The following ADGRL3 variants were observed in gnomAD, a reference collection of about 807,000 sequenced individuals.
ADGRL3 encodes the protein calcium-independent alpha-latrotoxin receptor 3.
In ADGRL3, 62 loss-of-function variants were observed where a neutral mutation model predicts 153.5. The ratio of observed to expected loss-of-function variants is 0.40; its 90% CI spans 0.33 to 0.50. ADGRL3 has a LOEUF of 0.50. Ranked by LOEUF, ADGRL3 falls within the 20% of genes least tolerant of loss-of-function variation. The pLI, the probability that ADGRL3 is intolerant of heterozygous loss-of-function variation, is 0.47. For synonymous variants in ADGRL3, 710 were observed against 672.5 expected (o/e 1.06, Z -0.86); for missense variants, 1,641 against 1,859.4 (o/e 0.88, Z 2.16).
At chr4:61,626,248 T>C (rs1288622782) in intron 5 of ADGRL3, among the ~76,000 whole-genome samples, 1 of 152,140 alleles carries the variant, frequency 6.6e-6, no homozygotes. Flanking sequence ...TCTTTAGCTC[T>C]ATTTCTTTTT....
At chr4:62,006,019 TA>T (rs2099157305) in intron 21 of ADGRL3, among the ~76,000 whole-genome samples, 3 of 103,160 alleles carry the variant, frequency 2.9e-5, no homozygotes, top group South Asian at 3.6e-4. Context: ...TATATATATA[TA>T]TATATATATA....
At chr4:61,611,950 C>A (rs922808497) in intron 5 of ADGRL3, among the ~76,000 whole-genome samples, 4 of 151,932 alleles carry the variant, frequency 2.6e-5, no homozygotes, top group Non-Finnish European at 2.9e-5. Flanking sequence ...GGAAAGAAAT[C>A]TTTTAAGTAA....
rs1005993883 is a variant in ADGRL3, at chr4:62,071,703, A to G, written c.*795A>G. The stretch of plus-strand genomic sequence containing the variant: ...TTGCAAGTTTGTCTACCAGTAAGAG[A>G]GCAAAGTTTCCTTCCTTTCTTCTCT... On this transcript the variant is annotated 3_prime_UTR_variant, in exon 27 of 27. Transcript: ENST00000683033. 4 of 426,856 alleles carry G rather than the reference A, an allele frequency of 9.4e-6. No individual in the cohort carries two copies. The highest frequency in any genetic ancestry group is 1.8e-5 in the Non-Finnish European group (4 of 217,914). 26.4% of individuals were successfully genotyped at this position (426,856 alleles called of 1,614,324 possible).
intron 2 of ADGRL3, among the ~76,000 whole-genome samples, chr4:61,403,547 A>G (rs1358406549): frequency 6.6e-6 from 1 of 152,100 alleles, no homozygotes; most frequent in Admixed American, 6.6e-5. Context: ...TCCCTTATGC[A>G]TCTCTTTCAC....
intron 8 of ADGRL3, among the ~76,000 whole-genome samples, chr4:61,749,310 C>A (rs1013477594): frequency 3.3e-5 from 5 of 151,948 alleles, no homozygotes; most frequent in African/African-American, 1.2e-4. Flanking sequence ...GGCGATTCCT[C>A]AGGGATCTAG....
chr4:61,727,861 CAA>C (rs1401247211), intron 6 of ADGRL3, among the ~76,000 whole-genome samples: 1 of 152,042 alleles, frequency 6.6e-6, no homozygotes, highest in Non-Finnish European at 1.5e-5. Context: ...CTTAAAATAT[CAA>C]GAAGCAAAAT....
At chr4:61,951,246 A>G (rs2098946175) in intron 17 of ADGRL3, among the ~76,000 whole-genome samples, 1 of 152,140 alleles carries the variant, frequency 6.6e-6, no homozygotes, top group South Asian at 2.1e-4. Context: ...ATATAGCTTT[A>G]TAATCACCAA....
intron 5 of ADGRL3, among the ~76,000 whole-genome samples, chr4:61,658,499 A>G (rs2094502734): frequency 6.6e-6 from 1 of 152,162 alleles, no homozygotes; most frequent in Non-Finnish European, 1.5e-5. Context: ...CATTTTGAAG[A>G]TTACACAAGA....
intron 1 of ADGRL3, among the ~76,000 whole-genome samples, chr4:61,308,144 CA>C (rs1300662979): frequency 6.6e-6 from 1 of 152,134 alleles, no homozygotes; most frequent in East Asian, 1.9e-4. Context: ...GGAAAGGACC[CA>C]GAGAAGGGCC....
At chr4:62,024,747 A>G (rs1201928418) in intron 21 of ADGRL3, among the ~76,000 whole-genome samples, 4 of 151,846 alleles carry the variant, frequency 2.6e-5, no homozygotes, top group African/African-American at 9.7e-5. Flanking sequence ...TGTCCAACAT[A>G]GTGAAACCCT....
chr4:61,320,169 C>G (rs143414453), intron 1 of ADGRL3, among the ~76,000 whole-genome samples: 1,878 of 152,232 alleles, frequency 0.012, 14 homozygotes, highest in Non-Finnish European at 0.018. Context: ...CTTGGACTTC[C>G]TAGCCTCTAG....
At chr4:61,573,223 A>G (rs1345755177) in intron 4 of ADGRL3, among the ~76,000 whole-genome samples, 1 of 151,988 alleles carries the variant, frequency 6.6e-6, no homozygotes, top group Non-Finnish European at 1.5e-5. Context: ...TGGCCCTAAT[A>G]TTATATAATT....
intron 7 of ADGRL3, 104 bp from the exon 8 acceptor site, chr4:61,732,648 TGG>T: frequency 3.9e-6 from 2 of 515,268 alleles, no homozygotes; most frequent in Admixed American, 3.7e-5. Flanking sequence ...TAAGTGATGG[TGG>T]GTATCTCTTG....
At chr4:61,518,112 G>A (rs753496469) in intron 4 of ADGRL3, among the ~76,000 whole-genome samples, 4 of 152,126 alleles carry the variant, frequency 2.6e-5, no homozygotes, top group African/African-American at 4.8e-5. Flanking sequence ...CTCCAGTGAG[G>A]AGCATTAGGT....
intron 11 of ADGRL3, among the ~76,000 whole-genome samples, chr4:61,899,875 T>C (rs2098654492): frequency 6.6e-6 from 1 of 152,166 alleles, no homozygotes; most frequent in African/African-American, 2.4e-5. Context: ...AGGGTACTAA[T>C]CCCAGTCATT....
chr4:61,562,223 T>C (rs2098797980), intron 4 of ADGRL3, among the ~76,000 whole-genome samples: 1 of 152,194 alleles, frequency 6.6e-6, no homozygotes, highest in Admixed American at 6.5e-5. Context: ...CCAAAGATCC[T>C]CTGAGCCTTT....
chr4:61,362,722 T>C (rs1386976794), intron 1 of ADGRL3, among the ~76,000 whole-genome samples: 1 of 152,130 alleles, frequency 6.6e-6, no homozygotes, highest in East Asian at 1.9e-4. Context: ...GGGCTGTTCT[T>C]ACTGTTTCAG....
Position 61,203,306 on chromosome 4 carries a change from T to A in ADGRL3, c.-240+1541T>A, listed in dbSNP as rs114364472. On this transcript the variant is annotated intron_variant, in intron 1 of 26. Coordinates refer to ENST00000683033, the MANE Select transcript of ADGRL3 (RefSeq NM_001387552.1). ...CCACCTCCAGGGTGTCTCCTCCCTGTGTCTGCGTGTGATCCCTGCCTGCGG... is the reference window on the plus strand; with the variant it reads ...CCACCTCCAGGGTGTCTCCTCCCTGAGTCTGCGTGTGATCCCTGCCTGCGG... Among the ~76,000 whole-genome samples the A allele has an allele frequency of 3.9e-3, 589 of 152,328 alleles. 3 individuals are homozygous for A. The highest frequency in any genetic ancestry group is 6.6e-3 in the Admixed American group (101 of 15,306).
At chr4:61,564,683 C>G (rs941625812) in intron 4 of ADGRL3, among the ~76,000 whole-genome samples, 1 of 152,212 alleles carries the variant, frequency 6.6e-6, no homozygotes, top group Non-Finnish European at 1.5e-5. Flanking sequence ...TTTGGCCTTT[C>G]TCAGCTTTTG....
Sources: allele counts gnomAD v4.1 joint callset (sites outside exome capture counted in the v4.1 genomes callset), GRCh38; gene constraint gnomAD v4.1.1; transcripts MANE v1.5; gene names NCBI Gene and HGNC (gene_info 2026-07-23, HGNC 2026-07-21).